KCNIP4: variants seen among roughly 807,000 people sequenced by gnomAD.
KCNIP4 encodes the protein potassium voltage-gated channel interacting protein 4, also known as Kv channel-interacting protein 4.
Under a neutral mutation model 34.0 loss-of-function variants are expected in KCNIP4, and 12 were observed. That is an observed-to-expected ratio of 0.35 (90% CI 0.23 to 0.57). The LOEUF is 0.57. Among genes scored for constraint, KCNIP4 ranks in the 20% least tolerant of loss-of-function variants. The pLI is 0.83. For synonymous variants in KCNIP4, 124 were observed against 102.2 expected (o/e 1.21, Z -1.29); for missense variants, 238 against 311.7 (o/e 0.76, Z 1.78).
chr4:21,003,332 G>A (rs1236396086), intron 1 of KCNIP4, among the ~76,000 whole-genome samples: 2 of 152,278 alleles, frequency 1.3e-5, no homozygotes, highest in South Asian at 2.1e-4. Flanking sequence ...AATCCATAAG[G>A]TGGGGCTAAG....
At chr4:20,733,360 A>C (rs1176262907) in intron 6 of KCNIP4, among the ~76,000 whole-genome samples, 1 of 152,182 alleles carries the variant, frequency 6.6e-6, no homozygotes, top group Non-Finnish European at 1.5e-5. Flanking sequence ...TTTTCTCTAA[A>C]ACAGTCTAAT....
intron 1 of KCNIP4, among the ~76,000 whole-genome samples, chr4:20,909,922 G>T (rs1157788426): frequency 1.3e-5 from 2 of 152,192 alleles, no homozygotes; most frequent in African/African-American, 4.8e-5. Flanking sequence ...TCCCACAGCT[G>T]CCAGCACCGA....
intron 1 of KCNIP4, among the ~76,000 whole-genome samples, chr4:21,798,512 GAAAAAAAA>G (rs3052679): frequency 1.1e-3 from 115 of 102,548 alleles, no homozygotes; most frequent in Middle Eastern, 5.1e-3. Context: ...AAGACCCTGG[GAAAAAAAA>G]AAAAAAAAAA....
intron 1 of KCNIP4, among the ~76,000 whole-genome samples, chr4:21,644,502 A>T (rs13141769): frequency 0.49 from 74,242 of 151,942 alleles, 18,918 homozygotes; most frequent in African/African-American, 0.58. Flanking sequence ...CTTGATTTTC[A>T]CATCTGAAAC....
At chr4:20,906,026 TTTCCCC>T (rs1035551184) in intron 1 of KCNIP4, among the ~76,000 whole-genome samples, 8 of 151,784 alleles carry the variant, frequency 5.3e-5, no homozygotes, top group African/African-American at 1.2e-4. Context: ...TCTTCTTTCC[TTTCCCC>T]TTCCCCTTCC....
intron 1 of KCNIP4, among the ~76,000 whole-genome samples, chr4:21,148,683 A>G (rs1752556029): frequency 1.3e-5 from 2 of 148,988 alleles, no homozygotes; most frequent in Admixed American, 1.3e-4. Flanking sequence ...GTGATACTAC[A>G]GAAGAAAAAA....
intron 1 of KCNIP4, among the ~76,000 whole-genome samples, chr4:21,327,867 G>A (rs1292152628): frequency 6.6e-6 from 1 of 151,762 alleles, no homozygotes; most frequent in Non-Finnish European, 1.5e-5. Context: ...TATGTCAATT[G>A]CATTTTTCAA....
chr4:20,780,748 G>A (rs1240652668), intron 3 of KCNIP4, among the ~76,000 whole-genome samples: 1 of 152,136 alleles, frequency 6.6e-6, no homozygotes, highest in Non-Finnish European at 1.5e-5. Flanking sequence ...ACGGAGAAAA[G>A]GTGAGTAAAA....
At chr4:21,320,448 T>C (rs1714252372) in intron 1 of KCNIP4, among the ~76,000 whole-genome samples, 1 of 152,192 alleles carries the variant, frequency 6.6e-6, no homozygotes, top group African/African-American at 2.4e-5. Context: ...ATAATCATTC[T>C]ATTGCTAACA....
At chr4:21,783,278 T>C (rs550401791) in intron 1 of KCNIP4, among the ~76,000 whole-genome samples, 5 of 152,168 alleles carry the variant, frequency 3.3e-5, no homozygotes, top group Non-Finnish European at 4.4e-5. Context: ...TCATTTATAA[T>C]GTATTCAAAT....
intron 1 of KCNIP4, among the ~76,000 whole-genome samples, chr4:20,925,472 C>T (rs1729811862): frequency 6.6e-6 from 1 of 152,122 alleles, no homozygotes; most frequent in African/African-American, 2.4e-5. Flanking sequence ...AGGAAGTTGC[C>T]CTATGTTCTA....
At chr4:21,271,425 T>C (rs1051231392) in intron 1 of KCNIP4, among the ~76,000 whole-genome samples, 4 of 152,224 alleles carry the variant, frequency 2.6e-5, no homozygotes, top group African/African-American at 7.2e-5. Flanking sequence ...CTGTGAAATA[T>C]AGCATTTTAG....
rs568598401 is a variant in KCNIP4, at chr4:21,035,994, G to A, written c.62-153285C>T. Among the ~76,000 whole-genome samples, 30 of 152,246 alleles carry A rather than the reference G, an allele frequency of 2.0e-4. 1 individual carries two copies. In the South Asian group the frequency reaches 3.9e-3, roughly 20 times the overall value. ...CACAACAAAATCCAGAGCATAATTGGCACAAGACATTTCCTTTCTGCAGGA... is the reference window on the plus strand; with the variant it reads ...CACAACAAAATCCAGAGCATAATTGACACAAGACATTTCCTTTCTGCAGGA... On this transcript the variant is annotated intron_variant, in intron 1 of 8. Transcript: ENST00000382152.
At position 21,318,096 on chromosome 4, in the gene KCNIP4, CAA is replaced by C. The variant is rs373219043; in HGVS notation, c.62-435389_62-435388del. Among the ~76,000 whole-genome samples, 596 of 152,308 alleles carry C rather than the reference CAA, an allele frequency of 3.9e-3. 6 individuals are homozygous for C. Among genetic ancestry groups the C allele is most frequent in the African/African-American group, 0.014 (566 of 41,554 alleles). On this transcript the variant is annotated intron_variant, in intron 1 of 8. Transcript: ENST00000382152. ...GCTGACACCTGGCTGCCCTCAGACT[CAA>C]ACTTTCCAAACCTCTTCAAATCACA...
Position 21,166,426 on chromosome 4 carries a change from G to A in KCNIP4, c.62-283717C>T, listed in dbSNP as rs565819635. Among the ~76,000 whole-genome samples the A allele has an allele frequency of 1.5e-4, 23 of 152,304 alleles. 1 individual carries two copies. The highest frequency in any genetic ancestry group is 3.4e-3 in the Middle Eastern group (1 of 292). On this transcript the variant is annotated intron_variant, in intron 1 of 8. Transcript: ENST00000382152. ...TGATCATACCAAGTATGGTGAGGAGGTGGAGTGACAGGAATGCTCACAAGT... is the reference window on the plus strand; with the variant it reads ...TGATCATACCAAGTATGGTGAGGAGATGGAGTGACAGGAATGCTCACAAGT...
intron 1 of KCNIP4, among the ~76,000 whole-genome samples, chr4:21,831,505 T>C (rs1245462494): frequency 6.6e-6 from 1 of 151,824 alleles, no homozygotes; most frequent in Non-Finnish European, 1.5e-5. Flanking sequence ...CAAAGGATCA[T>C]AGAGTCTACT....
At chr4:20,894,379 TCTC>T (rs767347185) in intron 1 of KCNIP4, among the ~76,000 whole-genome samples, 20 of 152,172 alleles carry the variant, frequency 1.3e-4, no homozygotes, top group Non-Finnish European at 2.9e-5. Flanking sequence ...CAATGAATCT[TCTC>T]CTCCAATGTC....
intron 2 of KCNIP4, among the ~76,000 whole-genome samples, chr4:20,858,816 T>C (rs189141062): frequency 6.6e-6 from 1 of 152,324 alleles, no homozygotes; most frequent in Admixed American, 6.5e-5. Context: ...TTCAGTGAGA[T>C]AGCTACATTT....
At chr4:21,878,371 C>T (rs1726264277) in intron 1 of KCNIP4, among the ~76,000 whole-genome samples, 2 of 152,172 alleles carry the variant, frequency 1.3e-5, no homozygotes, top group African/African-American at 4.8e-5. Context: ...CCACAGTACC[C>T]GGCCTTGCCC....
Sources: allele counts gnomAD v4.1 joint callset (sites outside exome capture counted in the v4.1 genomes callset), GRCh38; gene constraint gnomAD v4.1.1; transcripts MANE v1.5; gene names NCBI Gene and HGNC (gene_info 2026-07-23, HGNC 2026-07-21).